The following TAS2R1 variants were observed in gnomAD, a reference collection of about 807,000 sequenced individuals.
TAS2R1 encodes taste 2 receptor member 1.
For missense variants in TAS2R1, 370 were observed against 353.4 expected, an observed-to-expected ratio of 1.05 and a Z score of -0.38; for synonymous variants, 141 against 134.2, an observed-to-expected ratio of 1.05 and a Z score of -0.35.
the TAS2R1 span, among the ~76,000 whole-genome samples, chr5:9,774,091 C>T: frequency 4.2e-4 from 64 of 152,290 alleles, no homozygotes; most frequent in African/African-American, 1.5e-3. Flanking sequence ...ATCTTTCAGG[C>T]ATGCTGCATT....
At chr5:9,868,057 G>A in the TAS2R1 span, among the ~76,000 whole-genome samples, 1 of 152,184 alleles carries the variant, frequency 6.6e-6, no homozygotes. Context: ...GCTTAATAGG[G>A]TATAGACCCC....
intron 2 of TAS2R1, among the ~76,000 whole-genome samples, chr5:9,638,121 A>C (rs1274487230): frequency 6.6e-6 from 1 of 152,178 alleles, no homozygotes; most frequent in Non-Finnish European, 1.5e-5. Flanking sequence ...GTGATCCCTC[A>C]ATGTGGTGCT....
At chr5:9,760,429 G>A in the TAS2R1 span, among the ~76,000 whole-genome samples, 2 of 152,232 alleles carry the variant, frequency 1.3e-5, no homozygotes, top group South Asian at 4.1e-4. Flanking sequence ...CATGTACACA[G>A]ACTTAAAAAC....
the TAS2R1 span, among the ~76,000 whole-genome samples, chr5:9,794,491 C>T: frequency 2.6e-5 from 4 of 152,110 alleles, no homozygotes; most frequent in South Asian, 2.1e-4. Context: ...AGTTAATCAA[C>T]AAATATTAAT....
At chr5:9,634,948 G>T (rs947971298), upstream of TAS2R1, among the ~76,000 whole-genome samples, 1 of 151,966 alleles carries the variant, frequency 6.6e-6, no homozygotes, top group Non-Finnish European at 1.5e-5. Context: ...TCTTTCTCTT[G>T]TTTGATTGAT....
chr5:9,719,677 C>T, the TAS2R1 span, among the ~76,000 whole-genome samples: 3 of 137,868 alleles, frequency 2.2e-5, no homozygotes, highest in South Asian at 6.2e-4. Flanking sequence ...GCCTGTAATC[C>T]CAGCACTTTG....
At chr5:9,648,089 A>G (rs770252697) in intron 2 of TAS2R1, among the ~76,000 whole-genome samples, 1 of 152,152 alleles carries the variant, frequency 6.6e-6, no homozygotes, top group Non-Finnish European at 1.5e-5. Flanking sequence ...TATATTCAAA[A>G]TGCATCATTC....
At chr5:9,850,364 A>G in the TAS2R1 span, among the ~76,000 whole-genome samples, 1 of 152,382 alleles carries the variant, frequency 6.6e-6, no homozygotes, top group Non-Finnish European at 1.5e-5. Flanking sequence ...ATTTATGGCA[A>G]GCATTCAATA....
Position 9,638,346 on chromosome 5 carries a change from G to A in TAS2R1, c.-80-8354C>T, listed in dbSNP as rs546709596. ...GTGGAGGTGGCAGGGAAGTGAAGTA[G>A]ACTCTGTGAGAGCCCTTGATTGTAG... is the stretch of plus-strand genomic sequence containing the variant. On this transcript the variant is annotated intron_variant, in intron 2 of 2. Transcript: ENST00000506620. Among the ~76,000 whole-genome samples the A allele has an allele frequency of 6.6e-5, 10 of 152,288 alleles. No individual in the cohort carries two copies. The South Asian group carries it at 2.1e-3, about 32-fold the overall frequency.
the TAS2R1 span, among the ~76,000 whole-genome samples, chr5:9,789,214 G>C: frequency 6.6e-6 from 1 of 152,150 alleles, no homozygotes; most frequent in Non-Finnish European, 1.5e-5. Flanking sequence ...AAATCTGCCA[G>C]GCATTTGATA....
intron 1 of TAS2R1, among the ~76,000 whole-genome samples, chr5:9,692,398 A>G (rs1256743535): frequency 6.6e-6 from 1 of 152,134 alleles, no homozygotes; most frequent in Non-Finnish European, 1.5e-5. Context: ...GTTCAATTTT[A>G]TGGAGGTACA....
the TAS2R1 span, among the ~76,000 whole-genome samples, chr5:9,814,476 T>A: frequency 6.6e-6 from 1 of 152,016 alleles, no homozygotes; most frequent in South Asian, 2.1e-4. Flanking sequence ...CTCGAGCCCA[T>A]TTTTTTTCAT....
At chr5:9,876,617 T>C in the TAS2R1 span, among the ~76,000 whole-genome samples, 1 of 152,218 alleles carries the variant, frequency 6.6e-6, no homozygotes, top group East Asian at 1.9e-4. Context: ...AATATTATTA[T>C]TAAATAAAAC....
chr5:9,865,681 G>C, the TAS2R1 span, among the ~76,000 whole-genome samples: 1 of 152,136 alleles, frequency 6.6e-6, no homozygotes, highest in African/African-American at 2.4e-5. Flanking sequence ...TAAAATTCTA[G>C]GTTCACAGTT....
chr5:9,785,984 A>G, the TAS2R1 span, among the ~76,000 whole-genome samples: 1 of 152,230 alleles, frequency 6.6e-6, no homozygotes, highest in South Asian at 2.1e-4. Flanking sequence ...AAAGTAAACA[A>G]AAAAGTTTTA....
At chr5:9,706,362 G>T (rs1741611067) in intron 1 of TAS2R1, among the ~76,000 whole-genome samples, 1 of 152,130 alleles carries the variant, frequency 6.6e-6, no homozygotes, top group South Asian at 2.1e-4. Flanking sequence ...ACCAAACCAG[G>T]CCTCTCAGGC....
chr5:9,711,164 T>C (rs185038457), intron 1 of TAS2R1, among the ~76,000 whole-genome samples: 1 of 151,918 alleles, frequency 6.6e-6, no homozygotes, highest in East Asian at 1.9e-4. Flanking sequence ...CACTTCTGAG[T>C]ATTTATCTAA....
At chr5:9,637,421 T>C (rs1739985305) in intron 2 of TAS2R1, among the ~76,000 whole-genome samples, 2 of 152,248 alleles carry the variant, frequency 1.3e-5, no homozygotes, top group African/African-American at 2.4e-5. Flanking sequence ...ATGATCTTTT[T>C]GTGATTAATT....
the TAS2R1 span, among the ~76,000 whole-genome samples, chr5:9,741,898 T>G: frequency 6.6e-6 from 1 of 151,262 alleles, no homozygotes. Flanking sequence ...AACAAGACTG[T>G]TTTTTTTTAA....
Sources: gnomAD v4.1 joint callset for allele counts (sites outside exome capture counted in the v4.1 genomes callset) on GRCh38, gnomAD v4.1.1 for gene constraint, MANE v1.5 for transcripts, NCBI Gene and HGNC (gene_info 2026-07-23, HGNC 2026-07-21) for gene names.